MRPS18A: variants seen among roughly 807,000 people sequenced by gnomAD.
MRPS18A encodes mitochondrial ribosomal protein S18A, also known as large ribosomal subunit protein mL66.
A neutral mutation model predicts 22.7 loss-of-function variants in MRPS18A; 20 were observed. The ratio of observed to expected loss-of-function variants is 0.88; its 90% CI spans 0.62 to 1.28. The LOEUF is 1.28. MRPS18A is among the 50% of genes most tolerant of loss of function. The pLI is 0.00. For missense variants in MRPS18A, 294 were observed against 262.6 expected (o/e 1.12, Z -0.83); for synonymous variants, 106 against 99.1 (o/e 1.07, Z -0.41).
chr6:43,676,694 G>A (rs1022220362), intron 3 of MRPS18A, among the ~76,000 whole-genome samples: 13 of 152,222 alleles, frequency 8.5e-5, no homozygotes, highest in African/African-American at 3.1e-4. Flanking sequence ...GGCTTAAGGG[G>A]TTAAAGAAAA....
At chr6:43,687,355 G>C (rs1159750307) in intron 1 of MRPS18A, among the ~76,000 whole-genome samples, 2 of 152,218 alleles carry the variant, frequency 1.3e-5, no homozygotes, top group African/African-American at 4.8e-5. Context: ...GGAGAACATG[G>C]AAGGAAGAAT....
At chr6:43,687,003 G>A (rs1449719107) in intron 1 of MRPS18A, among the ~76,000 whole-genome samples, 1 of 152,154 alleles carries the variant, frequency 6.6e-6, no homozygotes, top group African/African-American at 2.4e-5. Context: ...AAGCTTTTCA[G>A]AAAAAGGGCT....
chr6:43,672,125 G>T (rs867982037), intron 5 of MRPS18A: 1 of 607,204 alleles, frequency 1.6e-6, no homozygotes, highest in East Asian at 2.9e-5. Flanking sequence ...GTGTGGCCAG[G>T]TTCAGGCAGC....
intron 5 of MRPS18A, among the ~76,000 whole-genome samples, chr6:43,672,986 C>CTTTT (rs530348186): frequency 1.7e-4 from 21 of 127,162 alleles, no homozygotes; most frequent in Admixed American, 1.4e-3. Context: ...ATAGGGACTG[C>CTTTT]TTTTTTTTTT....
Sources: allele counts gnomAD v4.1 joint callset (sites outside exome capture counted in the v4.1 genomes callset), GRCh38; gene constraint gnomAD v4.1.1; transcripts MANE v1.5; gene names NCBI Gene and HGNC (gene_info 2026-07-23, HGNC 2026-07-21).